The following ZNF208 variants were observed in gnomAD, a reference collection of about 807,000 sequenced individuals.
ZNF208 encodes zinc finger protein 95.
ZNF208 carries 10 observed loss-of-function variants against 12.1 expected under a neutral mutation model. The ratio of observed to expected loss-of-function variants is 0.83; its 90% CI spans 0.51 to 1.40. ZNF208 has a LOEUF of 1.40. Among genes scored for constraint, ZNF208 ranks in the 40% most tolerant of loss-of-function variants. The probability of loss-of-function intolerance (pLI) is 0.00; values close to 1 mark genes in which losing one functional copy is unlikely to be tolerated. For synonymous variants in ZNF208, 497 were observed against 488.4 expected (o/e 1.02, Z -0.23); for missense variants, 1,652 against 1,485.0 (o/e 1.11, Z -1.85).
rs547871895 is a variant in ZNF208, at chr19:21,995,719, T to A, written c.4-6810A>T. ...CTACTCCAGTATCACATTTTACAGG[T>A]AGGTATAGTTGTGGTCATGGCTCTG... On this transcript the variant is annotated intron_variant, in intron 1 of 3. Coordinates refer to ENST00000397126, the MANE Select transcript of ZNF208 (RefSeq NM_007153.3). Among the ~76,000 whole-genome samples, 3 of 152,266 alleles carry A rather than the reference T, an allele frequency of 2.0e-5. No individual in the cohort carries two copies. In the South Asian group the frequency reaches 6.2e-4, roughly 32 times the overall value.
chr19:21,947,128 C>T (rs1969826623), intron 4 of ZNF208, among the ~76,000 whole-genome samples: 1 of 152,060 alleles, frequency 6.6e-6, no homozygotes, highest in South Asian at 2.1e-4. Context: ...TTTATAATTT[C>T]CTAGCAACAG....
chr19:21,998,994 G>A (rs1970890601), intron 1 of ZNF208, among the ~76,000 whole-genome samples: 1 of 146,170 alleles, frequency 6.8e-6, no homozygotes, highest in African/African-American at 2.6e-5. Flanking sequence ...TAAAATATAT[G>A]ACACTAAAAT....
chr19:21,991,223 TATG>T (rs1970727368), intron 1 of ZNF208, among the ~76,000 whole-genome samples: 1 of 152,210 alleles, frequency 6.6e-6, no homozygotes, highest in South Asian at 2.1e-4. Flanking sequence ...GCCGATTCAG[TATG>T]ATATTGGCTG....
chr19:21,964,329 T>C (rs1970127909), downstream of ZNF208, among the ~76,000 whole-genome samples: 1 of 151,774 alleles, frequency 6.6e-6, no homozygotes, highest in Non-Finnish European at 1.5e-5. Context: ...CACTCAGAAA[T>C]AGACTTGATT....
At chr19:21,940,990 T>G (rs1232065613) in intron 4 of ZNF208, 7 of 193,864 alleles carry the variant, frequency 3.6e-5, no homozygotes, top group African/African-American at 1.4e-4. Context: ...GCGCTCCGGC[T>G]GCTGCGGCGG....
intron 4 of ZNF208, among the ~76,000 whole-genome samples, chr19:21,956,287 G>A (rs1969975340): frequency 6.6e-6 from 1 of 151,188 alleles, no homozygotes; most frequent in Non-Finnish European, 1.5e-5. Context: ...GGGGTTCAGA[G>A]ACCCAATTGA....
intron 4 of ZNF208, among the ~76,000 whole-genome samples, chr19:21,949,455 T>C (rs147807784): frequency 5.0e-4 from 76 of 152,250 alleles, no homozygotes; most frequent in African/African-American, 1.7e-3. Context: ...CCCAAACTCA[T>C]TGGGGGGACC....
At chr19:21,963,763 C>A (rs1221366223), downstream of ZNF208, among the ~76,000 whole-genome samples, 7 of 151,860 alleles carry the variant, frequency 4.6e-5, no homozygotes, top group Non-Finnish European at 1.0e-4. Context: ...AATTGAGAGA[C>A]TAGATTTACA....
chr19:22,008,522 G>A (rs1971089524), intron 1 of ZNF208, among the ~76,000 whole-genome samples: 1 of 150,682 alleles, frequency 6.6e-6, no homozygotes, highest in African/African-American at 2.4e-5. Context: ...ATTTTACTTT[G>A]CAAGTTCTTG....
rs1970300516 is a variant in ZNF208 at position 21,972,084 on chromosome 19, T to C, written c.2950A>G (p.Thr984Ala). ...KYEECGKGFS[T>A]FSILTKHKVI... ...TTATGTTTAGTAAGGATTGAGAATGTACTAAAGCCTTTGCCACATTCTTCA... is the reference window on the plus strand; with the variant it reads ...TTATGTTTAGTAAGGATTGAGAATGCACTAAAGCCTTTGCCACATTCTTCA... The change falls in exon 4 of 4, where the codon ACA becomes GCA. Residue 984 changes from threonine (T) to alanine (A), a missense_variant. This residue lies in a region of ZNF208 where 1,239 missense variants were observed against 1,086.2 expected (regional missense o/e 1.14). Coordinates refer to ENST00000397126, the MANE Select transcript of ZNF208 (RefSeq NM_007153.3). 1.2e-6 allele frequency: 2 copies of C among 1,613,204 alleles called. No homozygotes were observed. The highest frequency in any genetic ancestry group is 2.7e-5 in the African/African-American group (2 of 74,892).
At chr19:21,976,511 T>A (rs1161367972) in intron 3 of ZNF208, among the ~76,000 whole-genome samples, 1 of 152,192 alleles carries the variant, frequency 6.6e-6, no homozygotes, top group East Asian at 1.9e-4. Context: ...GAAAATTATT[T>A]AAATATATGG....
At chr19:21,955,349 T>C (rs183296835) in intron 4 of ZNF208, among the ~76,000 whole-genome samples, 1 of 152,336 alleles carries the variant, frequency 6.6e-6, no homozygotes, top group East Asian at 1.9e-4. Flanking sequence ...GCGTTCTCTG[T>C]ATTTCCTGAA....
At chr19:21,965,377 T>A (rs1970145788), downstream of ZNF208, among the ~76,000 whole-genome samples, 1 of 152,140 alleles carries the variant, frequency 6.6e-6, no homozygotes, top group East Asian at 1.9e-4. Context: ...CCTTTTCATT[T>A]CACACAAACA....
chr19:21,987,578 C>T (rs1970649806), intron 2 of ZNF208, among the ~76,000 whole-genome samples: 1 of 152,090 alleles, frequency 6.6e-6, no homozygotes, highest in African/African-American at 2.4e-5. Flanking sequence ...CAGAGCGTGA[C>T]CTGCTCTCTT....
downstream of ZNF208, among the ~76,000 whole-genome samples, chr19:21,965,261 C>A (rs556443069): frequency 1.3e-5 from 2 of 151,980 alleles, no homozygotes; most frequent in Non-Finnish European, 2.9e-5. Context: ...GTATCACTTT[C>A]GTTTTGTCAG....
chr19:21,944,545 T>A (rs528816640), intron 4 of ZNF208, among the ~76,000 whole-genome samples: 102 of 152,308 alleles, frequency 6.7e-4, no homozygotes, highest in African/African-American at 2.4e-3. Flanking sequence ...CTTAAATATA[T>A]ACTATATTAT....
At chr19:21,988,407 T>C (rs1173421717) in intron 2 of ZNF208, among the ~76,000 whole-genome samples, 1 of 152,092 alleles carries the variant, frequency 6.6e-6, no homozygotes, top group African/African-American at 2.4e-5. Context: ...GTGGGCAAAC[T>C]TGCTTCTGCT....
downstream of ZNF208, chr19:21,966,007 T>C (rs1208322772): frequency 6.6e-6 from 1 of 152,022 alleles, no homozygotes; most frequent in African/African-American, 2.4e-5. Context: ...TATAGAAACA[T>C]TCACCACCAT....
intron 1 of ZNF208, among the ~76,000 whole-genome samples, chr19:21,993,570 G>A (rs1446401655): frequency 1.3e-5 from 2 of 152,108 alleles, no homozygotes; most frequent in African/African-American, 2.4e-5. Flanking sequence ...AAAATCACTT[G>A]GTAATTTTGG....
Sources: allele counts gnomAD v4.1 joint callset (sites outside exome capture counted in the v4.1 genomes callset), GRCh38; gene constraint gnomAD v4.1.1; regional missense constraint gnomAD v4.1.1; transcripts MANE v1.5; gene names NCBI Gene and HGNC (gene_info 2026-07-23, HGNC 2026-07-21).